Variants in RASAL3 observed in about 807,000 individuals in gnomAD.
RASAL3 encodes RAS protein activator like-3.
RASAL3 carries 74 observed loss-of-function variants against 105.5 expected under a neutral mutation model. The observed-to-expected ratio is 0.70, with a 90% confidence interval of 0.58 to 0.85. The LOEUF (loss-of-function observed/expected upper bound fraction) is 0.85, where lower values mean the gene tolerates loss of function less well. Among genes scored for constraint, RASAL3 ranks in the 40% least tolerant of loss-of-function variants. The probability of loss-of-function intolerance (pLI) is 0.00; values close to 1 mark genes in which losing one functional copy is unlikely to be tolerated. For missense variants in RASAL3, 1,352 were observed against 1,392.0 expected, an observed-to-expected ratio of 0.97 and a Z score of 0.46; for synonymous variants, 579 against 591.6, an observed-to-expected ratio of 0.98 and a Z score of 0.31.
chr19:15,458,001 C>A lies in RASAL3; in HGVS notation c.889-167G>T, dbSNP rs576367361. On this transcript the variant is annotated intron_variant, in intron 8 of 17. Transcript: ENST00000343625. ...CCACGGGAGTCCGGAGGCGGTTACG[C>A]GGAAGTCTTCTAGCTTTTCTGGGCT... The A allele has an allele frequency of 9.8e-4, 765 of 777,170 alleles. 9 individuals are homozygous for A. The South Asian group carries it at 0.014, about 14-fold the overall frequency. The allele number at this position is 777,170 out of a possible 1,614,324, so 48.1% of individuals were successfully genotyped here.
rs1599739624 is a variant in RASAL3 at position 15,456,598 on chromosome 19, G to A, written c.1480C>T (p.Arg494Cys). 6.2e-7 allele frequency: 1 copy of A among 1,613,358 alleles called. No individual in the cohort carries two copies. Among genetic ancestry groups the A allele is most frequent in the Non-Finnish European group, 8.5e-7 (1 of 1,179,764 alleles). Reference sequence around the variant, plus strand: ...TTTTCCCGGAACAGCAGCGCCTCACGGCCTCCACAGCGCGCCAGCTCCGCA... The same window carrying A: ...TTTTCCCGGAACAGCAGCGCCTCACAGCCTCCACAGCGCGCCAGCTCCGCA... ...GTAELARCGGREALLFRENTL... is the reference protein window; with the variant it reads ...GTAELARCGGCEALLFRENTL... Residue 494 changes from arginine to cysteine, a missense_variant, in exon 10 of 18, where the codon CGT becomes TGT. This residue lies in a region of RASAL3 where 920 missense variants were observed against 919.6 expected (regional missense o/e 1.00). Transcript: ENST00000343625. This position sits in a 1 kb window ranked among gnomAD's most constrained non-coding sequence, Gnocchi z 4.4.
chr19:15,454,551 T>A lies in RASAL3; in HGVS notation c.1970A>T (p.Lys657Met). ...NLANRAPFGE[K>M]EAYMGFMNSF... ...ATTCATGAAGCCCATGTAGGCCTCCTTCTCACCGAACCTGGATCAGGGCCA... is the reference window on the plus strand; with the variant it reads ...ATTCATGAAGCCCATGTAGGCCTCCATCTCACCGAACCTGGATCAGGGCCA... Residue 657 changes from lysine (K) to methionine (M), a missense_variant, in exon 13 of 18, where the codon AAG becomes ATG. Transcript: ENST00000343625. 1 of 1,613,922 alleles carries A rather than the reference T, an allele frequency of 6.2e-7. No homozygotes were observed. The highest frequency in any genetic ancestry group is 8.5e-7 in the Non-Finnish European group (1 of 1,179,868).
chr19:15,453,051 T>C lies in RASAL3; in HGVS notation c.2670+56A>G. On this transcript the variant is annotated intron_variant, in intron 15 of 17. Coordinates refer to ENST00000343625, the MANE Select transcript of RASAL3 (RefSeq NM_022904.3). The surrounding 1 kb of genome is among the most constrained non-coding windows in gnomAD (Gnocchi z 4.2). ...CCAGACTTGCCTGGCCCTTCAGTCT[T>C]CCCCAGTCGCGTCCCTGTTCCCACT... 1.2e-6 allele frequency: 2 copies of C among 1,606,994 alleles called. No homozygotes were observed. Among genetic ancestry groups the C allele is most frequent in the Non-Finnish European group, 1.7e-6 (2 of 1,177,814 alleles).
chr19:15,461,714 C>G (rs1027841081), intron 2 of RASAL3, 107 bp from the exon 3 acceptor site: 2 of 1,399,636 alleles, frequency 1.4e-6, no homozygotes, highest in African/African-American at 1.5e-5. Flanking sequence ...AGGTGCCCCC[C>G]ACCCCAGCAG....
At chr19:15,459,229 G>A (rs931066356) in intron 6 of RASAL3, among the ~76,000 whole-genome samples, 4 of 76,618 alleles carry the variant, frequency 5.2e-5, no homozygotes, top group South Asian at 3.9e-4. Flanking sequence ...GTGAGCCACC[G>A]TGCCCAGCCC....
At position 15,457,633 on chromosome 19, in the gene RASAL3, G is replaced by A. The variant is rs1970368025; in HGVS notation, c.1090C>T (p.Arg364Cys). 5 of 1,409,300 alleles carry A rather than the reference G, an allele frequency of 3.5e-6. No individual in the cohort carries two copies. In the East Asian group the frequency reaches 1.1e-4, roughly 30 times the overall value. The allele number at this position is 1,409,300 out of a possible 1,614,324, so 87.3% of individuals were successfully genotyped here. ...CCGCGCAGCCGCAGCGACAGGCGACGTGCCGGTGGCAGCGCCTCGAAGTGG... is the reference window on the plus strand; with the variant it reads ...CCGCGCAGCCGCAGCGACAGGCGACATGCCGGTGGCAGCGCCTCGAAGTGG... ...RFHFEALPPARRLSLRLRGLG... is the reference protein window; with the variant it reads ...RFHFEALPPACRLSLRLRGLG... Residue 364 changes from arginine to cysteine, a missense_variant, in exon 9 of 18, where the codon CGT (arginine) becomes TGT (cysteine). Physicochemically the swap from Arg to Cys is radical, Grantham distance 180. Transcript: ENST00000343625. This position sits in a 1 kb window ranked among gnomAD's most constrained non-coding sequence, Gnocchi z 8.6.
intron 2 of RASAL3, among the ~76,000 whole-genome samples, chr19:15,463,258 T>C (rs1423018905): frequency 8.6e-5 from 13 of 151,856 alleles, no homozygotes; most frequent in Admixed American, 8.5e-4. Context: ...GATACTTTTT[T>C]TTTTTTGTAT....
At chr19:15,460,954 G>A in intron 5 of RASAL3, 106 bp downstream of exon 5, 1 of 1,004,162 alleles carries the variant, frequency 1.0e-6, no homozygotes, top group Non-Finnish European at 1.5e-6. Context: ...GCCCAAAGAG[G>A]GTCAGCAACC....
chr19:15,458,161 G>T, intron 8 of RASAL3, 167 bp downstream of exon 8: 1 of 679,802 alleles, frequency 1.5e-6, no homozygotes, highest in Non-Finnish European at 2.5e-6. Flanking sequence ...ATATTCCCGG[G>T]GCTGGTAATA....
Position 15,457,652 on chromosome 19 carries a change from G to A in RASAL3, c.1071C>T (p.Phe357=). The part of the protein sequence containing the change: ...GQLFWAERFH[F]EALPPARRLS... The stretch of plus-strand genomic sequence containing the variant: ...GGCGACGTGCCGGTGGCAGCGCCTC[G>A]AAGTGGAAGCGCTCGGCCCAGAAGA... The change falls in exon 9 of 18, where the codon TTC becomes TTT. Residue 357 remains phenylalanine (F), a synonymous_variant. Coordinates refer to ENST00000343625, the MANE Select transcript of RASAL3 (RefSeq NM_022904.3). This position sits in a 1 kb window ranked among gnomAD's most constrained non-coding sequence, Gnocchi z 8.6. 1 of 1,427,424 alleles carries A rather than the reference G, an allele frequency of 7.0e-7. No individual in the cohort carries two copies. The highest frequency in any genetic ancestry group is 9.2e-7 in the Non-Finnish European group (1 of 1,090,796). 88.4% of individuals were successfully genotyped at this position (1,427,424 alleles called of 1,614,324 possible).
chr19:15,457,273 C>A lies in RASAL3; in HGVS notation c.1431+19G>T, dbSNP rs1970351911. 1.6e-6 allele frequency: 2 copies of A among 1,268,210 alleles called. No homozygotes were observed. The highest frequency in any genetic ancestry group is 9.9e-7 in the Non-Finnish European group (1 of 1,006,364). The allele number at this position is 1,268,210 out of a possible 1,614,324, so 78.6% of individuals were successfully genotyped here. ...GTCTACCCCTGGTAGCCCCGGTCCGCGCTGTCGCGGTGCCGCACCTGCGCC... is the reference window on the plus strand; with the variant it reads ...GTCTACCCCTGGTAGCCCCGGTCCGAGCTGTCGCGGTGCCGCACCTGCGCC... On this transcript the variant is annotated intron_variant, in intron 9 of 17. Coordinates refer to ENST00000343625, the MANE Select transcript of RASAL3 (RefSeq NM_022904.3). This position sits in a 1 kb window ranked among gnomAD's most constrained non-coding sequence, Gnocchi z 8.6.
Position 15,453,377 on chromosome 19 carries a change from TG to T in RASAL3, c.2399del (p.Pro800HisfsTer43). On this transcript the variant is annotated frameshift_variant, in exon 15 of 18. Transcript: ENST00000343625. LOFTEE classifies it high-confidence loss of function. This position sits in a 1 kb window ranked among gnomAD's most constrained non-coding sequence, Gnocchi z 4.2. Reference sequence around the variant, plus strand: ...GCAGGGGCCGCTCTTCGTCCGGCCGTGGCCGGGCCCAACTCTCTGAGCGGCG... The same window carrying T: ...GCAGGGGCCGCTCTTCGTCCGGCCGTGCCGGGCCCAACTCTCTGAGCGGCG... ...SVRRSESWAR[P>X]RPDEERPLRR... 6.8e-7 allele frequency: 1 copy of T among 1,460,914 alleles called. No individual in the cohort carries two copies. 90.5% of individuals were successfully genotyped at this position (1,460,914 alleles called of 1,614,324 possible).
rs1599731919 is a variant in RASAL3, at chr19:15,453,041, C to A, written c.2670+66G>T. 2.5e-6 allele frequency: 4 copies of A among 1,599,750 alleles called. No individual in the cohort carries two copies. In the East Asian group the frequency reaches 9.0e-5, roughly 36 times the overall value. On this transcript the variant is annotated intron_variant, in intron 15 of 17. Coordinates refer to ENST00000343625, the MANE Select transcript of RASAL3 (RefSeq NM_022904.3). This position sits in a 1 kb window ranked among gnomAD's most constrained non-coding sequence, Gnocchi z 4.2. The stretch of plus-strand genomic sequence containing the variant: ...GTACTTGAACCCAGACTTGCCTGGC[C>A]CTTCAGTCTTCCCCAGTCGCGTCCC...
chr19:15,452,159 T>A, intron 16 of RASAL3, 51 bp from the exon 17 acceptor site: 1 of 1,593,880 alleles, frequency 6.3e-7, no homozygotes, highest in Non-Finnish European at 8.6e-7. Context: ...GGAAGTCCCT[T>A]CCAGCTCCTG....
chr19:15,458,233 C>A (rs1970390358), intron 8 of RASAL3, 95 bp downstream of exon 8: 1 of 1,178,276 alleles, frequency 8.5e-7, no homozygotes, highest in African/African-American at 1.5e-5. Context: ...GTTGGGGGCG[C>A]GGGTTATGGA....
At position 15,456,145 on chromosome 19, in the gene RASAL3, G is replaced by A. The variant is rs771264060; in HGVS notation, c.1680C>T (p.Asn560=). The A allele has an allele frequency of 8.1e-6, 13 of 1,613,774 alleles. No individual in the cohort carries two copies. The Admixed American group carries it at 1.2e-4, about 14-fold the overall frequency. Residue 560 remains asparagine (N), a synonymous_variant, in exon 11 of 18, where the codon AAC becomes AAT. Coordinates refer to ENST00000343625, the MANE Select transcript of RASAL3 (RefSeq NM_022904.3). The surrounding 1 kb of genome is among the most constrained non-coding windows in gnomAD (Gnocchi z 4.4). ...TGGTTTCGAAGACCTCCTCGCAGCTGTTCCGAAGTCTGGCCTGGTGCTCTG... is the reference window on the plus strand; with the variant it reads ...TGGTTTCGAAGACCTCCTCGCAGCTATTCCGAAGTCTGGCCTGGTGCTCTG... ...ELPEHQARLR[N]SCEEVFETII... is the part of the protein sequence containing the mutation.
At position 15,451,780 on chromosome 19, in the gene RASAL3, G is replaced by A. The variant is rs116794604; in HGVS notation, c.*15C>T. ...TCTGCTCCCAGACCACGTGTGATGAGGCAGGATGGGCAGCTCAGGTGGTGT... is the reference window on the plus strand; with the variant it reads ...TCTGCTCCCAGACCACGTGTGATGAAGCAGGATGGGCAGCTCAGGTGGTGT... On this transcript the variant is annotated 3_prime_UTR_variant, in exon 18 of 18. Transcript: ENST00000343625. 4,113 of 1,581,570 alleles carry A rather than the reference G, an allele frequency of 2.6e-3. 95 individuals carry two copies. In the African/African-American group the frequency reaches 0.047, roughly 18 times the overall value.
chr19:15,453,438 G>C lies in RASAL3; in HGVS notation c.2339C>G (p.Pro780Arg). 6.5e-7 allele frequency: 1 copy of C among 1,540,676 alleles called. No individual in the cohort carries two copies. Among genetic ancestry groups the C allele is most frequent in the East Asian group, 2.5e-5 (1 of 39,460 alleles). The change falls in exon 15 of 18, where the codon CCT (proline) becomes CGT (arginine). Residue 780 changes from proline to arginine, a missense_variant. Pro to Arg is a moderately radical substitution (Grantham distance 103). Transcript: ENST00000343625. This position sits in a 1 kb window ranked among gnomAD's most constrained non-coding sequence, Gnocchi z 4.2. The stretch of plus-strand genomic sequence containing the variant: ...CAGAGACTGGCTCTTGGAGATGAGA[G>C]GGGTGTGCTTGGGGAGGTCCCGGGG... ...LAPRDLPKHT[P>R]LISKSQSLRS...
Position 15,456,292 on chromosome 19 carries a change from C to T in RASAL3, c.1577-44G>A, listed in dbSNP as rs764141363. ...AGATAGGGGCTGGGGCCATGACCACCAAAACCTGCCACACCCATCCTCCAA... is the reference window on the plus strand; with the variant it reads ...AGATAGGGGCTGGGGCCATGACCACTAAAACCTGCCACACCCATCCTCCAA... On this transcript the variant is annotated intron_variant, in intron 10 of 17. Coordinates refer to ENST00000343625, the MANE Select transcript of RASAL3 (RefSeq NM_022904.3). The surrounding 1 kb of genome is among the most constrained non-coding windows in gnomAD (Gnocchi z 4.4). The T allele has an allele frequency of 6.3e-6, 10 of 1,597,386 alleles. No individual in the cohort carries two copies. The Admixed American group carries it at 1.7e-4, about 27-fold the overall frequency.
Sources: gnomAD v4.1 joint callset for allele counts (sites outside exome capture counted in the v4.1 genomes callset) on GRCh38, gnomAD v4.1.1 for gene constraint, gnomAD v4.1.1 regional missense constraint, Gnocchi (gnomAD v3.1) non-coding constraint, MANE v1.5 for transcripts, NCBI Gene and HGNC (gene_info 2026-07-23, HGNC 2026-07-21) for gene names.